Variants in EML3 observed in about 807,000 individuals in gnomAD.
EML3 encodes EMAP like 3.
A neutral mutation model predicts 106.7 loss-of-function variants in EML3; 53 were observed. The ratio of observed to expected loss-of-function variants is 0.50; its 90% CI spans 0.40 to 0.62. The LOEUF is 0.62. Ranked by LOEUF, EML3 falls within the 20% of genes least tolerant of loss-of-function variation. The pLI, the probability that EML3 is intolerant of heterozygous loss-of-function variation, is 0.00. For missense variants in EML3, 994 were observed against 1,209.1 expected, an observed-to-expected ratio of 0.82 and a Z score of 2.64; for synonymous variants, 499 against 489.6, an observed-to-expected ratio of 1.02 and a Z score of -0.25.
chr11:62,603,554 C>A (rs1246715583), intron 19 of EML3, among the ~76,000 whole-genome samples, 175 bp downstream of exon 19: 1 of 152,214 alleles, frequency 6.6e-6, no homozygotes, highest in African/African-American at 2.4e-5. Context: ...CTCAAGTCAA[C>A]AAGACATGGT....
rs780003515 is a variant in EML3, at chr11:62,611,303, G to C, written c.236C>G (p.Ser79Cys). 21 of 1,613,044 alleles carry C rather than the reference G, an allele frequency of 1.3e-5. No homozygotes were observed. The highest frequency in any genetic ancestry group is 1.5e-5 in the Non-Finnish European group (18 of 1,179,888). Residue 79 changes from serine to cysteine, a missense_variant, in exon 3 of 22, where the codon TCC becomes TGC. Coordinates refer to ENST00000394773, the MANE Select transcript of EML3 (RefSeq NM_153265.3). ...PPGLPPTCTP[S>C]LVSRGTQTET... Reference sequence around the variant, plus strand: ...CGTCTGGGTGCCTCGGCTCACCAAGGAAGGGGTGCACGTGGGTGGCAGTCC... The same window carrying C: ...CGTCTGGGTGCCTCGGCTCACCAAGCAAGGGGTGCACGTGGGTGGCAGTCC...
intron 6 of EML3, 53 bp from the exon 7 acceptor site, chr11:62,609,185 A>T: frequency 6.2e-7 from 1 of 1,606,380 alleles, no homozygotes; most frequent in Non-Finnish European, 8.5e-7. Context: ...CAGGAGGAGG[A>T]AGAGGGGAGA....
In EML3 at chr11:62,611,124, T is replaced by A. The variant is rs1251101729; in HGVS notation, c.415A>T (p.Ile139Phe). 4.4e-6 allele frequency: 7 copies of A among 1,597,250 alleles called. No individual in the cohort carries two copies. The highest frequency in any genetic ancestry group is 5.9e-6 in the Non-Finnish European group (7 of 1,177,568). ...TGTGGGGGCTGCAAGGGCCTGAGGA[T>A]CCCCGGGGGGCCAGGGGAGCCAGCA... ...SGAGSPGPPG[I>F]LRPLQPPQRA... The change falls in exon 3 of 22, where the codon ATC becomes TTC. Residue 139 changes from isoleucine to phenylalanine, a missense_variant. Ile to Phe is a conservative substitution (Grantham distance 21, BLOSUM62 0). This residue lies in a region of EML3 where 269 missense variants were observed against 265.1 expected (regional missense o/e 1.01). Coordinates refer to ENST00000394773, the MANE Select transcript of EML3 (RefSeq NM_153265.3).
chr11:62,604,828 G>C (rs1360944062), intron 16 of EML3: 1 of 274,942 alleles, frequency 3.6e-6, no homozygotes, highest in Non-Finnish European at 6.9e-6. Context: ...TCACTTCCCT[G>C]TGTTTGTCTA....
rs777166133 is a variant in EML3 at position 62,611,419 on chromosome 11, G to A, written c.194+6C>T. 6.2e-7 allele frequency: 1 copy of A among 1,613,770 alleles called. No individual in the cohort carries two copies. Among genetic ancestry groups the A allele is most frequent in the Non-Finnish European group, 8.5e-7 (1 of 1,179,840 alleles). ...GAGGAAAAATGGGGTGTGATGACAT[G>A]CATACCTGTCCCCCGGAGGAGCTGG... On this transcript the variant is annotated splice_donor_region_variant and intron_variant, in intron 2 of 21. Transcript: ENST00000394773.
chr11:62,603,383 C>T, intron 19 of EML3, 136 bp from the exon 20 acceptor site: 1 of 802,064 alleles, frequency 1.2e-6, no homozygotes, highest in Non-Finnish European at 2.0e-6. Flanking sequence ...AGCATCACCT[C>T]CTCCCCCTGT....
rs1942279074 is a variant in EML3, at chr11:62,602,537, G to A, written c.2629C>T (p.Pro877Ser). 14 of 1,489,258 alleles carry A rather than the reference G, an allele frequency of 9.4e-6. No homozygotes were observed. Among genetic ancestry groups the A allele is most frequent in the Middle Eastern group, 1.8e-4 (1 of 5,492 alleles). The allele number at this position is 1,489,258 out of a possible 1,614,324, so 92.3% of individuals were successfully genotyped here. A position where few individuals can be genotyped will look rare whatever the true frequency, so the allele number is the denominator to read the frequency against. ...GTTCGAGAGGGCGTGGCGGGCGCCG[G>A]CCCCGCGCCCCCAGCGCCCAGCACT... ...WRVLGAGGAG[P>S]APATPSRTPS... Residue 877 changes from proline (P) to serine (S), a missense_variant, in exon 22 of 22, where the codon CCG becomes TCG. Physicochemically the swap from Pro to Ser is moderately conservative, Grantham distance 74. Around this residue, in one of 3 missense-constraint regions of EML3, gnomAD observed 713 missense variants for 920.5 expected, o/e 0.77. Transcript: ENST00000394773.
Position 62,605,661 on chromosome 11 carries a change from G to A in EML3, c.1895C>T (p.Ala632Val), listed in dbSNP as rs767406826. The change falls in exon 15 of 22, where the codon GCC (alanine) becomes GTC (valine). Residue 632 changes from alanine to valine, a missense_variant. Coordinates refer to ENST00000394773, the MANE Select transcript of EML3 (RefSeq NM_153265.3). The surrounding 1 kb of genome is among the most constrained non-coding windows in gnomAD (Gnocchi z 5.2). Reference protein sequence around the residue: ...CLWDGESHALAWSIDLKETGL... With the variant: ...CLWDGESHALVWSIDLKETGL... Reference sequence around the variant, plus strand: ...CTCTACCTTGAGGTCGATGCTCCAGGCCAGTGCATGGCTCTCCCCATCCCA... The same window carrying A: ...CTCTACCTTGAGGTCGATGCTCCAGACCAGTGCATGGCTCTCCCCATCCCA... 5.7e-6 allele frequency: 9 copies of A among 1,568,692 alleles called. No individual in the cohort carries two copies. Among genetic ancestry groups the A allele is most frequent in the Non-Finnish European group, 7.8e-6 (9 of 1,158,058 alleles).
intron 11 of EML3, 59 bp downstream of exon 11, chr11:62,607,607 C>T (rs1462246098): frequency 1.3e-6 from 2 of 1,573,648 alleles, no homozygotes; most frequent in Non-Finnish European, 8.6e-7. Context: ...TAGTACTCAG[C>T]CCAGTGCTTC....
Position 62,606,854 on chromosome 11 carries a change from C to T in EML3, c.1504+104G>A, listed in dbSNP as rs535383968. On this transcript the variant is annotated intron_variant, in intron 12 of 21. Coordinates refer to ENST00000394773, the MANE Select transcript of EML3 (RefSeq NM_153265.3). Reference sequence around the variant, plus strand: ...CCTGGGCAACAGAGTAAGACCTCATCTCAAAAAAAAAAAAAAAAAAGATGG... The same window carrying T: ...CCTGGGCAACAGAGTAAGACCTCATTTCAAAAAAAAAAAAAAAAAAGATGG... 740 of 999,964 alleles carry T rather than the reference C, an allele frequency of 7.4e-4. 5 individuals carry two copies. Among genetic ancestry groups the T allele is most frequent in the African/African-American group, 3.6e-3 (180 of 49,792 alleles). 61.9% of individuals were successfully genotyped at this position (999,964 alleles called of 1,614,324 possible). A position where few individuals can be genotyped will look rare whatever the true frequency, so the allele number is the denominator to read the frequency against.
intron 16 of EML3, chr11:62,604,864 C>T: frequency 3.0e-6 from 1 of 336,180 alleles, no homozygotes; most frequent in Non-Finnish European, 5.5e-6. Flanking sequence ...CACTGTTTCT[C>T]TATCCTGGGC....
Position 62,602,243 on chromosome 11 carries a change from C to A in EML3, c.*232G>T. On this transcript the variant is annotated 3_prime_UTR_variant, in exon 22 of 22. Coordinates refer to ENST00000394773, the MANE Select transcript of EML3 (RefSeq NM_153265.3). ...GCGACTTTGGTTCTGGTTTATTGCC[C>A]CTCAGCAGGCAGCGGGAGTCAAGGC... 6.5e-7 allele frequency: 1 copy of A among 1,543,510 alleles called. No homozygotes were observed. Among genetic ancestry groups the A allele is most frequent in the Admixed American group, 2.0e-5 (1 of 49,860 alleles).
At chr11:62,612,156 C>T in intron 1 of EML3, 1 of 508,210 alleles carries the variant, frequency 2.0e-6, no homozygotes, top group Non-Finnish European at 3.5e-6. Context: ...GGAAAAAGAC[C>T]TGAAATACCA....
chr11:62,609,517 G>A, intron 5 of EML3, 40 bp from the exon 6 acceptor site: 2 of 1,542,652 alleles, frequency 1.3e-6, no homozygotes, highest in Non-Finnish European at 1.8e-6. Flanking sequence ...CCCCTTCCAG[G>A]AAAGACAGAG....
chr11:62,611,455 C>G lies in EML3; in HGVS notation c.164G>C (p.Gly55Ala). The G allele has an allele frequency of 6.2e-7, 1 of 1,613,838 alleles. No homozygotes were observed. Among genetic ancestry groups the G allele is most frequent in the Non-Finnish European group, 8.5e-7 (1 of 1,179,920 alleles). The change falls in exon 2 of 22, where the codon GGC becomes GCC. Residue 55 changes from glycine (G) to alanine (A), a missense_variant. Gly to Ala is a moderately conservative substitution (Grantham distance 60, BLOSUM62 0). This residue lies in a region of EML3 where 269 missense variants were observed against 265.1 expected (regional missense o/e 1.01). Coordinates refer to ENST00000394773, the MANE Select transcript of EML3 (RefSeq NM_153265.3). ...RLQVPPSSLQ[G>A]SGTPAPPGDS... is the part of the protein sequence containing the mutation. The stretch of plus-strand genomic sequence containing the variant: ...CCCCGGAGGAGCTGGTGTGCCAGAG[C>G]CCTGCAGGGAGGAAGGGGGCACCTG...
chr11:62,603,315 C>A (rs1225135332), intron 19 of EML3, 68 bp from the exon 20 acceptor site: 17 of 1,471,100 alleles, frequency 1.2e-5, no homozygotes, highest in Non-Finnish European at 1.6e-5. Flanking sequence ...CCAGGGAAAG[C>A]CAGACTGGAA....
rs753631284 is a variant in EML3 at position 62,602,893 on chromosome 11, G to A, written c.2357-4C>T. ...TCGGAGCCGTCCGGCCAGACGCCTA[G>A]CACAGCGGCCGGCCTCAGCCCGACC... is the stretch of plus-strand genomic sequence containing the variant. On this transcript the variant is annotated splice_region_variant and splice_polypyrimidine_tract_variant and intron_variant, in intron 20 of 21. Transcript: ENST00000394773. 1.9e-6 allele frequency: 3 copies of A among 1,555,296 alleles called. No homozygotes were observed. Among genetic ancestry groups the A allele is most frequent in the South Asian group, 2.4e-5 (2 of 84,722 alleles).
At chr11:62,611,795 C>A in intron 1 of EML3, 199 bp from the exon 2 acceptor site, 1 of 618,952 alleles carries the variant, frequency 1.6e-6, no homozygotes, top group Non-Finnish European at 2.7e-6. Flanking sequence ...GGCGAGAAAC[C>A]TGGCAAAGCT....
At chr11:62,603,609 A>G in intron 19 of EML3, 120 bp downstream of exon 19, 1 of 833,820 alleles carries the variant, frequency 1.2e-6, no homozygotes, top group South Asian at 1.7e-5. Context: ...CCTACATATA[A>G]TTCCAACTCC....
Sources: gnomAD v4.1 joint callset for allele counts (sites outside exome capture counted in the v4.1 genomes callset) on GRCh38, gnomAD v4.1.1 for gene constraint, gnomAD v4.1.1 regional missense constraint, Gnocchi (gnomAD v3.1) non-coding constraint, MANE v1.5 for transcripts, NCBI Gene and HGNC (gene_info 2026-07-23, HGNC 2026-07-21) for gene names.